The following SH3RF1 variants were observed in gnomAD, a reference collection of about 807,000 sequenced individuals.
SH3RF1 encodes the protein SH3 domain containing ring finger 1, also known as E3 ubiquitin-protein ligase SH3RF1.
SH3RF1 carries 32 observed loss-of-function variants against 74.0 expected under a neutral mutation model. That is an observed-to-expected ratio of 0.43 (90% CI 0.33 to 0.58). The LOEUF (loss-of-function observed/expected upper bound fraction) is 0.58. Among genes scored for constraint, SH3RF1 ranks in the 20% least tolerant of loss-of-function variants. The pLI is 0.05. For synonymous variants in SH3RF1, 396 were observed against 439.6 expected (o/e 0.90, Z 1.24); for missense variants, 954 against 1,130.9 (o/e 0.84, Z 2.24).
intron 2 of SH3RF1, among the ~76,000 whole-genome samples, chr4:169,191,465 C>G (rs1214422055): frequency 2.0e-5 from 3 of 152,086 alleles, no homozygotes; most frequent in Admixed American, 6.6e-5. Flanking sequence ...AATGACCATA[C>G]AGCCAAAAGC....
At chr4:169,223,616 TTC>T (rs1462726285) in intron 2 of SH3RF1, among the ~76,000 whole-genome samples, 1 of 152,218 alleles carries the variant, frequency 6.6e-6, no homozygotes, top group African/African-American at 2.4e-5. Flanking sequence ...GGAGCTTACT[TTC>T]TTTTTTAAAA....
At chr4:169,224,273 A>G (rs1730618597) in intron 2 of SH3RF1, among the ~76,000 whole-genome samples, 1 of 151,940 alleles carries the variant, frequency 6.6e-6, no homozygotes, top group African/African-American at 2.4e-5. Context: ...CTATAAACAG[A>G]GGAAATGGCA....
At chr4:169,158,448 G>A (rs921216917) in intron 2 of SH3RF1, among the ~76,000 whole-genome samples, 1 of 152,170 alleles carries the variant, frequency 6.6e-6, no homozygotes, top group Non-Finnish European at 1.5e-5. Flanking sequence ...ATAAAGGAGA[G>A]GTAGGCAGAG....
At chr4:169,255,614 T>TACATACACACACAC in intron 2 of SH3RF1, among the ~76,000 whole-genome samples, 1 of 59,166 alleles carries the variant, frequency 1.7e-5, no homozygotes, top group South Asian at 7.0e-4. Context: ...CACACATACA[T>TACATACACACACAC]ACACACATAC....
At chr4:169,262,659 T>A (rs955421644) in intron 2 of SH3RF1, among the ~76,000 whole-genome samples, 9 of 151,912 alleles carry the variant, frequency 5.9e-5, no homozygotes, top group African/African-American at 2.2e-4. Context: ...AGAGTGAGAC[T>A]CTGTCTCAAA....
chr4:169,195,011 A>C (rs952132973), intron 2 of SH3RF1, among the ~76,000 whole-genome samples: 11 of 152,342 alleles, frequency 7.2e-5, no homozygotes, highest in African/African-American at 2.6e-4. Flanking sequence ...TTTTCCACAC[A>C]GTCACATTTA....
chr4:169,123,065 G>A (rs947098233), intron 6 of SH3RF1, among the ~76,000 whole-genome samples: 4 of 152,222 alleles, frequency 2.6e-5, no homozygotes, highest in East Asian at 3.9e-4. Context: ...TGCCTGAACC[G>A]CTACCTCGTC....
At chr4:169,169,894 T>C (rs1734298491) in intron 2 of SH3RF1, among the ~76,000 whole-genome samples, 2 of 152,100 alleles carry the variant, frequency 1.3e-5, no homozygotes, top group Admixed American at 1.3e-4. Context: ...AAAAATACTT[T>C]GTAAATATTC....
chr4:169,131,956 T>C (rs961405089), intron 5 of SH3RF1, among the ~76,000 whole-genome samples: 1 of 152,242 alleles, frequency 6.6e-6, no homozygotes, highest in Non-Finnish European at 1.5e-5. Flanking sequence ...GAATACCAAG[T>C]GTCCAATGGG....
chr4:169,193,850 T>G (rs756651884), intron 2 of SH3RF1, among the ~76,000 whole-genome samples: 3 of 152,202 alleles, frequency 2.0e-5, no homozygotes, highest in Non-Finnish European at 4.4e-5. Context: ...AACTTCAAAA[T>G]CTGAACAAAA....
At chr4:169,102,915 CTTTTTTTTTTTTTT>C (rs66574732) in intron 11 of SH3RF1, among the ~76,000 whole-genome samples, 2 of 66,884 alleles carry the variant, frequency 3.0e-5, no homozygotes, top group East Asian at 5.3e-4. Context: ...CAGTCACATT[CTTTTTTTTTTTTTT>C]TTTTTTTTTT....
At chr4:169,260,289 A>ATTT (rs1392159719) in intron 2 of SH3RF1, among the ~76,000 whole-genome samples, 8 of 152,200 alleles carry the variant, frequency 5.3e-5, no homozygotes, top group African/African-American at 1.9e-4. Context: ...AAAACAAAGC[A>ATTT]TTTTGAGAAG....
At chr4:169,118,173 C>T (rs1733369199) in intron 8 of SH3RF1, among the ~76,000 whole-genome samples, 1 of 152,186 alleles carries the variant, frequency 6.6e-6, no homozygotes, top group African/African-American at 2.4e-5. Context: ...TTCCTGGCTT[C>T]CTACTTGCCT....
At chr4:169,221,081 G>A (rs888693434) in intron 2 of SH3RF1, among the ~76,000 whole-genome samples, 1 of 152,126 alleles carries the variant, frequency 6.6e-6, no homozygotes, top group Non-Finnish European at 1.5e-5. Context: ...AATGAGAGGC[G>A]CACATAGCAT....
intron 2 of SH3RF1, among the ~76,000 whole-genome samples, chr4:169,243,386 G>T (rs1001249412): frequency 6.6e-6 from 1 of 152,212 alleles, no homozygotes; most frequent in Non-Finnish European, 1.5e-5. Context: ...TACAGCGCAT[G>T]CCTGTAATCC....
chr4:169,175,244 T>C (rs749589112), intron 2 of SH3RF1, among the ~76,000 whole-genome samples: 2 of 152,204 alleles, frequency 1.3e-5, no homozygotes, highest in African/African-American at 4.8e-5. Flanking sequence ...ACCATCTGTA[T>C]TGCCACTATT....
At position 169,107,211 on chromosome 4, in the gene SH3RF1, A is replaced by G; in HGVS notation, c.2140-6T>C. ...AACAAACCCTTTTTTTCTTTCTGGA[A>G]AAAAAAAATAATGAGCCTTAGTTGG... On this transcript the variant is annotated splice_polypyrimidine_tract_variant and splice_region_variant and intron_variant, in intron 10 of 11. Coordinates refer to ENST00000284637, the MANE Select transcript of SH3RF1 (RefSeq NM_020870.4). 6.6e-7 allele frequency: 1 copy of G among 1,508,822 alleles called. No homozygotes were observed. Among genetic ancestry groups the G allele is most frequent in the African/African-American group, 1.7e-5 (1 of 58,682 alleles). The allele number at this position is 1,508,822 out of a possible 1,614,324, so 93.5% of individuals were successfully genotyped here. A position where few individuals can be genotyped will look rare whatever the true frequency, so the allele number is the denominator to read the frequency against.
At chr4:169,156,704 T>A in intron 2 of SH3RF1, 25 bp from the exon 3 acceptor site, 4 of 1,538,528 alleles carry the variant, frequency 2.6e-6, no homozygotes, top group Non-Finnish European at 3.5e-6. Context: ...GAGGGATGAA[T>A]TTTAATAAAA....
chr4:169,099,290 T>G (rs572079339), intron 11 of SH3RF1, among the ~76,000 whole-genome samples: 325 of 152,358 alleles, frequency 2.1e-3, no homozygotes, highest in African/African-American at 7.6e-3. Context: ...CATCTCACTA[T>G]ATTGCCCAGG....
Sources: allele counts gnomAD v4.1 joint callset (sites outside exome capture counted in the v4.1 genomes callset), GRCh38; gene constraint gnomAD v4.1.1; transcripts MANE v1.5; gene names NCBI Gene and HGNC (gene_info 2026-07-23, HGNC 2026-07-21).